CSMD2: variants seen among roughly 807,000 people sequenced by gnomAD.
CSMD2 encodes the protein CUB and sushi domain-containing protein 2.
CSMD2 carries 130 observed loss-of-function variants against 398.5 expected under a neutral mutation model. The ratio of observed to expected loss-of-function variants is 0.33; its 90% confidence interval spans 0.28 to 0.38. CSMD2 has a LOEUF of 0.38. Among genes scored for constraint, CSMD2 ranks in the 10% least tolerant of loss-of-function variants. The pLI is 1.00. For missense variants in CSMD2, 3,829 were observed against 4,764.9 expected, an observed-to-expected ratio of 0.80 and a Z score of 5.78; for synonymous variants, 1,828 against 1,908.5, an observed-to-expected ratio of 0.96 and a Z score of 1.10.
chr1:34,005,132 CGA>C (rs1176566079), intron 3 of CSMD2, among the ~76,000 whole-genome samples: 1 of 152,134 alleles, frequency 6.6e-6, no homozygotes, highest in African/African-American at 2.4e-5. Flanking sequence ...TAATTAGATA[CGA>C]GAGAGAGAAA....
intron 5 of CSMD2, among the ~76,000 whole-genome samples, chr1:33,858,104 C>T (rs1024972008): frequency 7.2e-5 from 11 of 152,182 alleles, no homozygotes; most frequent in Non-Finnish European, 1.3e-4. Context: ...GCTGACACTT[C>T]GCCTGGCTTT....
intron 54 of CSMD2, among the ~76,000 whole-genome samples, chr1:33,558,447 CA>C (rs1209187978): frequency 4.6e-5 from 7 of 152,180 alleles, no homozygotes; most frequent in Non-Finnish European, 1.0e-4. Flanking sequence ...GTTTCCAAAG[CA>C]GCTTAACTCA....
chr1:33,746,839 C>T (rs561804986), intron 13 of CSMD2, among the ~76,000 whole-genome samples: 3 of 152,300 alleles, frequency 2.0e-5, no homozygotes, highest in Admixed American at 6.5e-5. Flanking sequence ...TCTCATAACC[C>T]CATCCCACTC....
intron 10 of CSMD2, among the ~76,000 whole-genome samples, chr1:33,796,876 G>T (rs751137239): frequency 2.0e-5 from 3 of 152,112 alleles, no homozygotes; most frequent in Non-Finnish European, 4.4e-5. Context: ...CTGGGGGGAG[G>T]TCTATAAATG....
At chr1:33,594,757 G>A (rs1446198425) in intron 44 of CSMD2, among the ~76,000 whole-genome samples, 4 of 152,090 alleles carry the variant, frequency 2.6e-5, no homozygotes, top group African/African-American at 9.7e-5. Context: ...TTTCTACAGT[G>A]TTGCTTCTGC....
At chr1:33,733,573 T>TATAATCCCC (rs370681467) in intron 15 of CSMD2, among the ~76,000 whole-genome samples, 47 of 152,282 alleles carry the variant, frequency 3.1e-4, no homozygotes, top group Middle Eastern at 3.4e-3. Flanking sequence ...CACCTCGAGT[T>TATAATCCCC]ATAATCCCCA....
intron 2 of CSMD2, among the ~76,000 whole-genome samples, chr1:34,044,390 C>G (rs1652239784): frequency 6.6e-6 from 1 of 152,170 alleles, no homozygotes; most frequent in Non-Finnish European, 1.5e-5. Flanking sequence ...TGTAACAGAT[C>G]CCAAACCCAT....
intron 1 of CSMD2, among the ~76,000 whole-genome samples, chr1:34,152,264 C>T (rs1640397087): frequency 6.6e-6 from 1 of 152,190 alleles, no homozygotes; most frequent in Non-Finnish European, 1.5e-5. Flanking sequence ...TGACTGTTCA[C>T]TCAGCTGTTT....
chr1:34,080,957 A>G (rs1209603142), intron 2 of CSMD2, among the ~76,000 whole-genome samples: 1 of 136,414 alleles, frequency 7.3e-6, no homozygotes, highest in African/African-American at 3.7e-5. Context: ...AAAGAAAGAA[A>G]GAAAGAAAGA....
At chr1:33,750,841 T>C (rs553388038) in intron 13 of CSMD2, among the ~76,000 whole-genome samples, 279 of 152,260 alleles carry the variant, frequency 1.8e-3, no homozygotes, top group Non-Finnish European at 1.6e-3. Flanking sequence ...ATAAGGAATA[T>C]TTGTATAATG....
chr1:34,027,256 G>C (rs1046590675), intron 3 of CSMD2, among the ~76,000 whole-genome samples: 6 of 152,112 alleles, frequency 3.9e-5, no homozygotes, highest in African/African-American at 1.4e-4. Flanking sequence ...ATCAGTACAT[G>C]GCCAGTAAGT....
chr1:33,643,577 T>C (rs546875192), intron 29 of CSMD2, among the ~76,000 whole-genome samples: 1 of 152,328 alleles, frequency 6.6e-6, no homozygotes, highest in African/African-American at 2.4e-5. Context: ...CTTCGTTTAG[T>C]GTCACTGTCC....
In CSMD2 at chr1:33,959,379, T is replaced by A. The variant is rs570492937; in HGVS notation, c.518-23425A>T. ...ACAGATATTTAAGTCAGAAACGAGT[T>A]TTTGCCTTCCATTTCCATTCAATGT... On this transcript the variant is annotated intron_variant, in intron 3 of 70. Coordinates refer to ENST00000373381, the MANE Select transcript of CSMD2 (RefSeq NM_001281956.2). Among the ~76,000 whole-genome samples, 13 of 152,250 alleles carry A rather than the reference T, an allele frequency of 8.5e-5. No homozygotes were observed. In the South Asian group the frequency reaches 1.7e-3, roughly 19 times the overall value.
chr1:33,592,709 G>A (rs779061861), intron 44 of CSMD2, among the ~76,000 whole-genome samples: 48 of 152,230 alleles, frequency 3.2e-4, no homozygotes, highest in Non-Finnish European at 6.2e-4. Context: ...CAGCAGTTTT[G>A]GAGGCCGAGG....
intron 2 of CSMD2, among the ~76,000 whole-genome samples, chr1:34,084,192 C>A (rs1247990424): frequency 6.6e-6 from 1 of 152,184 alleles, no homozygotes; most frequent in Non-Finnish European, 1.5e-5. Flanking sequence ...GATTCTTCTG[C>A]ATCCTAAGGA....
chr1:33,826,940 C>T lies in CSMD2; in HGVS notation c.1034-1166G>A, dbSNP rs148852265. 2.5e-3 allele frequency among the ~76,000 whole-genome samples: 375 copies of T among 152,318 alleles called. 1 individual carries two copies. Among genetic ancestry groups the T allele is most frequent in the African/African-American group, 6.3e-3 (260 of 41,566 alleles). On this transcript the variant is annotated intron_variant, in intron 6 of 70. Coordinates refer to ENST00000373381, the MANE Select transcript of CSMD2 (RefSeq NM_001281956.2). ...AACAACTGTAACTGGGCACTTCATA[C>T]GTGCCAGGTCCAGGGTGCTTTACAA... is the stretch of plus-strand genomic sequence containing the variant.
chr1:33,680,335 T>C (rs369348671), intron 25 of CSMD2, among the ~76,000 whole-genome samples: 2 of 152,100 alleles, frequency 1.3e-5, no homozygotes, highest in African/African-American at 4.8e-5. Flanking sequence ...ATATGAATGT[T>C]TCCCATGTGG....
At chr1:34,090,144 G>C (rs1658385674) in intron 1 of CSMD2, among the ~76,000 whole-genome samples, 1 of 152,096 alleles carries the variant, frequency 6.6e-6, no homozygotes, top group Non-Finnish European at 1.5e-5. Context: ...ACTCCTCCGG[G>C]CCAGAGCATC....
chr1:33,619,908 C>T (rs1641655429), intron 37 of CSMD2, among the ~76,000 whole-genome samples: 1 of 152,092 alleles, frequency 6.6e-6, no homozygotes, highest in Non-Finnish European at 1.5e-5. Context: ...CCAAGTAGAA[C>T]AAAACTCACT....
Sources: allele counts gnomAD v4.1 joint callset (sites outside exome capture counted in the v4.1 genomes callset), GRCh38; gene constraint gnomAD v4.1.1; transcripts MANE v1.5; gene names NCBI Gene and HGNC (gene_info 2026-07-23, HGNC 2026-07-21).